CLTC: variants seen among roughly 807,000 people sequenced by gnomAD.
CLTC encodes clathrin heavy chain 1.
In CLTC, 16 loss-of-function variants were observed where a neutral mutation model predicts 195.8. The ratio of observed to expected loss-of-function variants is 0.08; its 90% CI spans 0.06 to 0.12. The LOEUF (loss-of-function observed/expected upper bound fraction) is 0.12, where lower values mean the gene tolerates loss of function less well. CLTC is among the 10% of genes least tolerant of loss of function. The pLI is 1.00. For synonymous variants in CLTC, 667 were observed against 689.4 expected, an observed-to-expected ratio of 0.97 and a Z score of 0.51; for missense variants, 796 against 2,027.0, an observed-to-expected ratio of 0.39 and a Z score of 11.66.
chr17:59,694,307 T>G lies in CLTC; in HGVS notation c.*455T>G, dbSNP rs745854838. 1 of 221,836 alleles carries G rather than the reference T, an allele frequency of 4.5e-6. No individual in the cohort carries two copies. The highest frequency in any genetic ancestry group is 9.0e-6 in the Non-Finnish European group (1 of 110,724). The allele number at this position is 221,836 out of a possible 1,614,324, so 13.7% of individuals were successfully genotyped here. ...AAGCTAAAGCAAAAACACTGGCATATGACCATGCAAGACTGTCAGTGCCAA... is the reference window on the plus strand; with the variant it reads ...AAGCTAAAGCAAAAACACTGGCATAGGACCATGCAAGACTGTCAGTGCCAA... On this transcript the variant is annotated 3_prime_UTR_variant, in exon 32 of 32. Coordinates refer to ENST00000269122, the MANE Select transcript of CLTC (RefSeq NM_004859.4).
chr17:59,620,154 G>T lies in CLTC; in HGVS notation c.23G>T (p.Arg8Leu). The T allele has an allele frequency of 6.2e-7, 1 of 1,614,054 alleles. No homozygotes were observed. Among genetic ancestry groups the T allele is most frequent in the Non-Finnish European group, 8.5e-7 (1 of 1,180,008 alleles). Residue 8 changes from arginine (R) to leucine (L), a missense_variant, in exon 1 of 32, where the codon CGT becomes CTT. By Grantham distance (102) the Arg-to-Leu change is moderately radical. Coordinates refer to ENST00000269122, the MANE Select transcript of CLTC (RefSeq NM_004859.4). MAQILPI[R>L]FQEHLQLQNL... ...GCCATGGCCCAGATTCTGCCAATTC[G>T]TTTTCAGGAGCATCTCCAGGTGCGG...
chr17:59,670,759 C>T (rs1360897909), intron 14 of CLTC, among the ~76,000 whole-genome samples: 2 of 152,070 alleles, frequency 1.3e-5, no homozygotes, highest in African/African-American at 2.4e-5. Context: ...AAATGAAAAA[C>T]AATCCTCTGG....
intron 10 of CLTC, among the ~76,000 whole-genome samples, chr17:59,665,883 G>A (rs1040965374): frequency 1.3e-5 from 2 of 151,942 alleles, no homozygotes; most frequent in African/African-American, 4.8e-5. Context: ...AAGGTCTGTC[G>A]GTTCAGTTGT....
At chr17:59,688,548 G>A (rs947818400) in intron 30 of CLTC, among the ~76,000 whole-genome samples, 1 of 151,936 alleles carries the variant, frequency 6.6e-6, no homozygotes, top group Non-Finnish European at 1.5e-5. Context: ...TTGGATCAGT[G>A]GAAACAAAAA....
Position 59,648,561 on chromosome 17 carries a change from C to T in CLTC, c.681+160C>T, listed in dbSNP as rs2032251653. On this transcript the variant is annotated intron_variant, in intron 4 of 31. Transcript: ENST00000269122. The surrounding 1 kb of genome is among the most constrained non-coding windows in gnomAD (Gnocchi z 4.5). Reference sequence around the variant, plus strand: ...TGTTCAAATTTTGCATCTAGTGATACTTGTCTAAAATGAATAATGTTCTTT... The same window carrying T: ...TGTTCAAATTTTGCATCTAGTGATATTTGTCTAAAATGAATAATGTTCTTT... 1 of 641,302 alleles carries T rather than the reference C, an allele frequency of 1.6e-6. No homozygotes were observed. Among genetic ancestry groups the T allele is most frequent in the African/African-American group, 1.8e-5 (1 of 54,624 alleles). 39.7% of individuals were successfully genotyped at this position (641,302 alleles called of 1,614,324 possible).
At chr17:59,676,917 A>G in intron 16 of CLTC, 37 bp from the exon 17 acceptor site, 3 of 1,402,924 alleles carry the variant, frequency 2.1e-6, no homozygotes, top group East Asian at 2.3e-5. Flanking sequence ...TTTATAATAC[A>G]GTATGTGTGT....
chr17:59,649,673 G>T (rs979362524), intron 4 of CLTC, among the ~76,000 whole-genome samples: 3 of 152,150 alleles, frequency 2.0e-5, no homozygotes, highest in African/African-American at 7.2e-5. Flanking sequence ...GATTGCTTAA[G>T]ATATCATCTG....
chr17:59,643,355 G>C (rs1312072888), intron 1 of CLTC, among the ~76,000 whole-genome samples: 1 of 152,078 alleles, frequency 6.6e-6, no homozygotes, highest in Non-Finnish European at 1.5e-5. Context: ...AGTAACAAGT[G>C]ACTTTTGTTC....
In CLTC at chr17:59,648,515, C is replaced by G. The variant is rs2032250491; in HGVS notation, c.681+114C>G. 2.9e-6 allele frequency: 3 copies of G among 1,040,060 alleles called. No homozygotes were observed. Among genetic ancestry groups the G allele is most frequent in the Non-Finnish European group, 4.2e-6 (3 of 707,274 alleles). 64.4% of individuals were successfully genotyped at this position (1,040,060 alleles called of 1,614,324 possible). On this transcript the variant is annotated intron_variant, in intron 4 of 31. Transcript: ENST00000269122. This position sits in a 1 kb window ranked among gnomAD's most constrained non-coding sequence, Gnocchi z 4.5. ...TCCCTTCCTAAGTAATTTTAGTATT[C>G]ACATTTGTGGTGACTTAATTTGTTC... is the stretch of plus-strand genomic sequence containing the variant.
chr17:59,629,260 A>G (rs926090042), intron 1 of CLTC, among the ~76,000 whole-genome samples: 4 of 152,188 alleles, frequency 2.6e-5, no homozygotes, highest in Non-Finnish European at 5.9e-5. Flanking sequence ...TCCTCAGGAA[A>G]GAGTCTCCTT....
rs1167137252 is a variant in CLTC, at chr17:59,668,871, C to T, written c.2223C>T (p.Ile741=). The change falls in exon 14 of 32, where the codon ATC becomes ATT. Residue 741 remains isoleucine (I), a synonymous_variant. Transcript: ENST00000269122. Reference sequence around the variant, plus strand: ...AGGCAGCTTGCAAGACTGGGCAAATCAAAGAAGTAGAAAGAATCTGTAGAG... The same window carrying T: ...AGGCAGCTTGCAAGACTGGGCAAATTAAAGAAGTAGAAAGAATCTGTAGAG... ...YIQAACKTGQ[I]KEVERICRES... The T allele has an allele frequency of 6.2e-7, 1 of 1,613,708 alleles. No homozygotes were observed. Among genetic ancestry groups the T allele is most frequent in the South Asian group, 1.1e-5 (1 of 91,064 alleles).
Position 59,681,660 on chromosome 17 carries a change from A to G in CLTC, c.3263A>G (p.His1088Arg). Residue 1088 changes from histidine (H) to arginine (R), a missense_variant, in exon 21 of 32, where the codon CAT (histidine) becomes CGT (arginine). Transcript: ENST00000269122. This position sits in a 1 kb window ranked among gnomAD's most constrained non-coding sequence, Gnocchi z 5.0. ...NTSAVQVLIE[H>R]IGNLDRAYEF... ...TTGGATACTTAGGTCTTAATTGAGC[A>G]TATTGGAAACTTGGATCGGGCATAT... The G allele has an allele frequency of 6.2e-7, 1 of 1,612,716 alleles. No homozygotes were observed. The highest frequency in any genetic ancestry group is 8.5e-7 in the Non-Finnish European group (1 of 1,179,184).
chr17:59,636,848 T>A (rs777035844), intron 1 of CLTC, among the ~76,000 whole-genome samples: 1 of 151,546 alleles, frequency 6.6e-6, no homozygotes, highest in Non-Finnish European at 1.5e-5. Context: ...CTGCAGCCTC[T>A]GCCTCCCGGG....
intron 15 of CLTC, 32 bp from the exon 16 acceptor site, chr17:59,674,669 A>G: frequency 1.3e-6 from 2 of 1,583,598 alleles, no homozygotes; most frequent in South Asian, 1.2e-5. Flanking sequence ...TTAATAACAT[A>G]ATAACATTCT....
At position 59,664,870 on chromosome 17, in the gene CLTC, G is replaced by T. The variant is rs375430840; in HGVS notation, c.1605G>T (p.Met535Ile). The T allele has an allele frequency of 6.2e-7, 1 of 1,614,094 alleles. No individual in the cohort carries two copies. Among genetic ancestry groups the T allele is most frequent in the African/African-American group, 1.3e-5 (1 of 75,048 alleles). ...ATCAGGGACAGCAGTTTGCCCAAAT[G>T]TTAGTTCAAGATGAAGAGCCTCTTG... ...SPDQGQQFAQ[M>I]LVQDEEPLAD... is the part of the protein sequence containing the mutation. Residue 535 changes from methionine (M) to isoleucine (I), a missense_variant, in exon 10 of 32, where the codon ATG (methionine) becomes ATT (isoleucine). Transcript: ENST00000269122.
At chr17:59,659,452 AAT>A (rs1491091830) in intron 6 of CLTC, among the ~76,000 whole-genome samples, 5 of 91,154 alleles carry the variant, frequency 5.5e-5, no homozygotes, top group Non-Finnish European at 1.1e-4. Context: ...ATTTTTAATT[AAT>A]TTTTTTTTTT....
At chr17:59,686,711 T>C (rs2033192697) in intron 30 of CLTC, among the ~76,000 whole-genome samples, 2 of 152,234 alleles carry the variant, frequency 1.3e-5, no homozygotes, top group South Asian at 4.1e-4. Context: ...TTAAACATAA[T>C]GCCAACTTGT....
rs2143506063 is a variant in CLTC, at chr17:59,647,546, A to G, written c.399A>G (p.Glu133=). ...TDNAVYHWSM[E]GESQPVKMFD... is the part of the protein sequence containing the mutation. The stretch of plus-strand genomic sequence containing the variant: ...ATGCAGTTTATCACTGGAGTATGGA[A>G]GGAGAGTCTCAGCCAGTGAAAATGT... Residue 133 remains glutamate (E), a synonymous_variant, in exon 3 of 32, where the codon GAA becomes GAG. Transcript: ENST00000269122. The G allele has an allele frequency of 1.2e-6, 2 of 1,614,192 alleles. No homozygotes were observed. Among genetic ancestry groups the G allele is most frequent in the Non-Finnish European group, 1.7e-6 (2 of 1,180,020 alleles).
At position 59,683,655 on chromosome 17, in the gene CLTC, A is replaced by G; in HGVS notation, c.4222A>G (p.Ile1408Val). The G allele has an allele frequency of 1.2e-6, 2 of 1,614,212 alleles. No individual in the cohort carries two copies. Among genetic ancestry groups the G allele is most frequent in the Non-Finnish European group, 1.7e-6 (2 of 1,180,032 alleles). ...VANVELYYRAIQFYLEFKPLL... is the reference protein window; with the variant it reads ...VANVELYYRAVQFYLEFKPLL... ...CAATGTGGAACTATACTACAGAGCA[A>G]TACAGTTCTACTTAGAATTCAAGCC... The change falls in exon 27 of 32, where the codon ATA becomes GTA. Residue 1408 changes from isoleucine to valine, a missense_variant. This residue lies in a region of CLTC where 102 missense variants were observed against 317.6 expected (regional missense o/e 0.32). Transcript: ENST00000269122. This position sits in a 1 kb window ranked among gnomAD's most constrained non-coding sequence, Gnocchi z 6.1.
Sources: gnomAD v4.1 joint callset for allele counts (sites outside exome capture counted in the v4.1 genomes callset) on GRCh38, gnomAD v4.1.1 for gene constraint, gnomAD v4.1.1 regional missense constraint, Gnocchi (gnomAD v3.1) non-coding constraint, MANE v1.5 for transcripts, NCBI Gene and HGNC (gene_info 2026-07-23, HGNC 2026-07-21) for gene names.